COL28A1: variants seen among roughly 807,000 people sequenced by gnomAD.
The protein encoded by COL28A1 is collagen type XXVIII alpha 1 chain.
In COL28A1, 161 loss-of-function variants were observed where a neutral mutation model predicts 150.2. The observed-to-expected ratio is 1.07, with a 90% CI of 0.94 to 1.22. The LOEUF is 1.22. COL28A1 is among the 50% of genes most tolerant of loss of function. The pLI is 0.00. For missense variants in COL28A1, 1,617 were observed against 1,388.3 expected, an observed-to-expected ratio of 1.16 and a Z score of -2.62; for synonymous variants, 552 against 469.7, an observed-to-expected ratio of 1.18 and a Z score of -2.26.
At chr7:7,497,745 T>C (rs759769327) in intron 11 of COL28A1, among the ~76,000 whole-genome samples, 8 of 152,182 alleles carry the variant, frequency 5.3e-5, no homozygotes, top group South Asian at 2.1e-4. Context: ...GAAATATAAT[T>C]TATCCAAGCT....
intron 18 of COL28A1, among the ~76,000 whole-genome samples, chr7:7,446,737 G>A (rs1477557755): frequency 1.3e-5 from 2 of 152,150 alleles, no homozygotes; most frequent in Admixed American, 6.5e-5. Context: ...ATTTCTTCCA[G>A]TGCCTGTACA....
intron 27 of COL28A1, among the ~76,000 whole-genome samples, chr7:7,399,371 C>A (rs973763420): frequency 1.3e-5 from 2 of 152,146 alleles, no homozygotes; most frequent in Non-Finnish European, 2.9e-5. Context: ...TCATAACAGG[C>A]TTGGATGCTC....
intron 27 of COL28A1, among the ~76,000 whole-genome samples, chr7:7,393,942 C>T (rs1164712143): frequency 1.3e-5 from 2 of 151,060 alleles, no homozygotes. Flanking sequence ...GTGAACAGTT[C>T]TGTCTCGCTG....
chr7:7,482,594 C>T (rs926275884), intron 13 of COL28A1, among the ~76,000 whole-genome samples: 7 of 150,990 alleles, frequency 4.6e-5, no homozygotes, highest in African/African-American at 1.5e-4. Context: ...CATTTTGATA[C>T]ATTATTTAGG....
At chr7:7,485,443 A>G (rs1779575073) in intron 13 of COL28A1, among the ~76,000 whole-genome samples, 1 of 152,094 alleles carries the variant, frequency 6.6e-6, no homozygotes, top group African/African-American at 2.4e-5. Flanking sequence ...AGAGTCTTTC[A>G]CAGAGCACAC....
At chr7:7,357,427 A>G (rs1780393490), downstream of COL28A1, among the ~76,000 whole-genome samples, 1 of 152,112 alleles carries the variant, frequency 6.6e-6, no homozygotes, top group African/African-American at 2.4e-5. Context: ...TTGGGAGGCC[A>G]AGGCAGGTGG....
intron 15 of COL28A1, among the ~76,000 whole-genome samples, chr7:7,473,918 TTATA>T (rs1442287112): frequency 6.7e-6 from 1 of 150,028 alleles, no homozygotes; most frequent in African/African-American, 2.4e-5. Context: ...GTGTGTTTGT[TTATA>T]TATATGATGG....
At chr7:7,357,020 C>A (rs1439039964), downstream of COL28A1, 1 of 151,998 alleles carries the variant, frequency 6.6e-6, no homozygotes, top group African/African-American at 2.4e-5. Context: ...TGAGGGTAGA[C>A]CTGATAGAAG....
intron 21 of COL28A1, among the ~76,000 whole-genome samples, chr7:7,439,478 C>CA (rs1385720099): frequency 2.6e-5 from 4 of 151,558 alleles, no homozygotes; most frequent in African/African-American, 4.8e-5. Flanking sequence ...CTTCTTTTTT[C>CA]AAAAAAAGAG....
At chr7:7,507,269 G>T in intron 9 of COL28A1, 108 bp from the exon 10 acceptor site, 1 of 628,976 alleles carries the variant, frequency 1.6e-6, no homozygotes, top group Non-Finnish European at 2.8e-6. Context: ...CATCTTCCCT[G>T]GTTATCTTAA....
intron 27 of COL28A1, among the ~76,000 whole-genome samples, chr7:7,405,638 C>G (rs1034627598): frequency 2.0e-5 from 3 of 152,174 alleles, no homozygotes; most frequent in Non-Finnish European, 4.4e-5. Context: ...GGACTACTCT[C>G]TAAATGTCAT....
At chr7:7,367,992 A>G (rs777894963) in intron 33 of COL28A1, among the ~76,000 whole-genome samples, 5 of 151,900 alleles carry the variant, frequency 3.3e-5, no homozygotes, top group Non-Finnish European at 7.4e-5. Context: ...TGGCTTTTCA[A>G]TCTGTGCCTC....
rs145813497 is a variant in COL28A1, at chr7:7,463,365, A to C, written c.1303-7253T>G. Among the ~76,000 whole-genome samples the C allele has an allele frequency of 3.0e-3, 453 of 152,364 alleles. 6 individuals carry two copies. The highest frequency in any genetic ancestry group is 0.028 in the Admixed American group (423 of 15,312). On this transcript the variant is annotated intron_variant, in intron 15 of 34. Coordinates refer to ENST00000399429, the MANE Select transcript of COL28A1 (RefSeq NM_001037763.3). ...TAAATGGAACTTTTAAGTTTTATAAAGAGTATCTACAAAAACCCTAGAGCA... is the reference window on the plus strand; with the variant it reads ...TAAATGGAACTTTTAAGTTTTATAACGAGTATCTACAAAAACCCTAGAGCA...
intron 27 of COL28A1, among the ~76,000 whole-genome samples, chr7:7,392,068 G>A (rs1422621520): frequency 1.3e-5 from 2 of 152,148 alleles, no homozygotes; most frequent in African/African-American, 4.8e-5. Context: ...AATTTCTTCA[G>A]TGTCAATGGT....
At chr7:7,497,854 T>C (rs1780304523) in intron 11 of COL28A1, among the ~76,000 whole-genome samples, 1 of 152,192 alleles carries the variant, frequency 6.6e-6, no homozygotes, top group African/African-American at 2.4e-5. Flanking sequence ...TCACACAAGG[T>C]AAATCTACAT....
chr7:7,341,910 A>T, the COL28A1 span, among the ~76,000 whole-genome samples: 1 of 152,102 alleles, frequency 6.6e-6, no homozygotes, highest in Non-Finnish European at 1.5e-5. Context: ...TGAAGAGAAT[A>T]TATATTCTGC....
intron 27 of COL28A1, among the ~76,000 whole-genome samples, chr7:7,395,293 T>TA (rs200976849): frequency 0.03 from 4,535 of 152,140 alleles, 108 homozygotes; most frequent in Non-Finnish European, 0.048. Flanking sequence ...GGCTCCGTCT[T>TA]AAAAAAACAC....
At chr7:7,526,099 G>A (rs1259642681) in intron 3 of COL28A1, among the ~76,000 whole-genome samples, 3 of 152,216 alleles carry the variant, frequency 2.0e-5, no homozygotes, top group African/African-American at 7.2e-5. Context: ...ATTACCCTCT[G>A]TAGAACATTT....
chr7:7,514,679 G>A (rs17510752), intron 8 of COL28A1, among the ~76,000 whole-genome samples: 15,697 of 152,182 alleles, frequency 0.1, 878 homozygotes, highest in Middle Eastern at 0.21. Flanking sequence ...CTTCAAAAGG[G>A]ATAAAGAATT....
Sources: gnomAD v4.1 joint callset for allele counts (sites outside exome capture counted in the v4.1 genomes callset) on GRCh38, gnomAD v4.1.1 for gene constraint, MANE v1.5 for transcripts, NCBI Gene and HGNC (gene_info 2026-07-23, HGNC 2026-07-21) for gene names.